The following SYN1 variants were observed in gnomAD, a reference collection of about 807,000 sequenced individuals.
SYN1 encodes synapsin I, also known as synapsin-1.
A neutral mutation model predicts 44.6 loss-of-function variants in SYN1; 8 were observed. That is an observed-to-expected ratio of 0.18 (90% CI 0.11 to 0.32). SYN1 has a LOEUF of 0.32. Ranked by LOEUF, SYN1 falls within the 10% of genes least tolerant of loss-of-function variation. SYN1 has a pLI of 1.00. For missense variants in SYN1, 451 were observed against 639.4 expected (o/e 0.71, Z 3.18); for synonymous variants, 275 against 280.1 (o/e 0.98, Z 0.18).
At chrX:47,610,054 C>T (rs1246078768) in intron 1 of SYN1, among the ~76,000 whole-genome samples, 1 of 111,902 alleles carries the variant, frequency 8.9e-6, no homozygotes, top group Non-Finnish European at 1.9e-5. Context: ...AAAGACCTGA[C>T]ATGCTCAGGG....
intron 1 of SYN1, among the ~76,000 whole-genome samples, chrX:47,616,638 C>T (rs1484329018): frequency 5.4e-5 from 6 of 111,801 alleles, no homozygotes; most frequent in Middle Eastern, 4.2e-3. Flanking sequence ...AATTACAGCA[C>T]GTGCTCCATA....
chrX:47,589,421 G>T (rs1401063025), intron 5 of SYN1, among the ~76,000 whole-genome samples: 1 of 106,841 alleles, frequency 9.4e-6, no homozygotes, highest in Non-Finnish European at 1.9e-5. Flanking sequence ...GTGAAACCCT[G>T]TCTCTACTAA....
intron 5 of SYN1, among the ~76,000 whole-genome samples, chrX:47,600,188 G>A (rs2057875568): frequency 9.1e-6 from 1 of 110,254 alleles, no homozygotes; most frequent in African/African-American, 3.3e-5. Flanking sequence ...ACTAGACAGG[G>A]AACCAAAAAG....
chrX:47,598,003 C>T (rs1164961011), intron 5 of SYN1, among the ~76,000 whole-genome samples: 1 of 112,470 alleles, frequency 8.9e-6, no homozygotes, highest in Non-Finnish European at 1.9e-5. Context: ...TAGTTCATCA[C>T]TAACAAACTT....
intron 1 of SYN1, among the ~76,000 whole-genome samples, chrX:47,607,825 A>G (rs771309377): frequency 9.0e-6 from 1 of 110,895 alleles, no homozygotes; most frequent in African/African-American, 3.3e-5. Flanking sequence ...TGAGGTCAAG[A>G]GTTCGAGACC....
chrX:47,593,266 T>C (rs1395948488), intron 5 of SYN1, among the ~76,000 whole-genome samples: 2 of 105,470 alleles, frequency 1.9e-5, no homozygotes, highest in African/African-American at 7.2e-5. Context: ...GTAAAAATGG[T>C]CTATGCTTTT....
At chrX:47,608,269 AGGAAGGAAGGAAGGAAGGAAGG>A (rs757514896) in intron 1 of SYN1, among the ~76,000 whole-genome samples, 10,080 of 23,701 alleles carry the variant, frequency 0.43, 824 homozygotes, top group South Asian at 0.64. Flanking sequence ...GAAGGAAGGA[AGGAAGGAAGGAAGGAAGGAAGG>A]GGAAGGAAGG....
intron 5 of SYN1, among the ~76,000 whole-genome samples, chrX:47,604,121 C>G (rs1323937593): frequency 1.8e-5 from 2 of 109,662 alleles, no homozygotes; most frequent in Non-Finnish European, 3.8e-5. Context: ...GTTGGTCAGG[C>G]TGGTCTCAAA....
chrX:47,583,312 C>T (rs1230561841), intron 5 of SYN1: 2 of 749,841 alleles, frequency 2.7e-6, no homozygotes, highest in Non-Finnish European at 1.9e-6. Flanking sequence ...CCTAATCCCC[C>T]CCATAGGCTG....
In SYN1 at chrX:47,576,502, A is replaced by G. The variant is rs781159179; in HGVS notation, c.976T>C (p.Tyr326His). Residue 326 changes from tyrosine (Y) to histidine (H), a missense_variant, in exon 7 of 13, where the codon TAC (tyrosine) becomes CAC (histidine). Coordinates refer to ENST00000295987, the MANE Select transcript of SYN1 (RefSeq NM_006950.3). ...VQKIGQNYKA[Y>H]MRTSVSGNWK... is the part of the protein sequence containing the mutation. ...GGCTTTGGTCTCTCCACTCACATGT[A>G]GGCCTTGTAGTTCTGCCCAATCTTC... 7 of 1,212,075 alleles carry G rather than the reference A, an allele frequency of 5.8e-6. No individual in the cohort carries two copies. The highest frequency in any genetic ancestry group is 7.8e-6 in the Non-Finnish European group (7 of 895,611).
chrX:47,615,705 G>T (rs1423851793), intron 1 of SYN1, among the ~76,000 whole-genome samples: 1 of 111,188 alleles, frequency 9.0e-6, no homozygotes. Context: ...AGAAGTTTGA[G>T]ACCAGCCTGA....
chrX:47,619,844 GC>G lies in SYN1; in HGVS notation c.-117del. ...TCAGGCACGACACGACTCCTCCGCT[GC>G]CCACCGCAGACTGAGGCAGCGCTGA... is the stretch of plus-strand genomic sequence containing the variant. On this transcript the variant is annotated 5_prime_UTR_variant, in exon 1 of 13. Coordinates refer to ENST00000295987, the MANE Select transcript of SYN1 (RefSeq NM_006950.3). 1.2e-6 allele frequency: 1 copy of G among 817,550 alleles called. No homozygotes were observed. The highest frequency in any genetic ancestry group is 1.7e-6 in the Non-Finnish European group (1 of 593,677). 67.4% of individuals were successfully genotyped at this position (817,550 alleles called of 1,213,427 possible).
chrX:47,600,945 A>G (rs2057877893), intron 5 of SYN1, among the ~76,000 whole-genome samples: 1 of 111,988 alleles, frequency 8.9e-6, no homozygotes, highest in Admixed American at 9.6e-5. Context: ...AAGATATCAA[A>G]ATCAGTAACC....
chrX:47,604,712 C>T (rs748950634), intron 5 of SYN1: 9 of 370,470 alleles, frequency 2.4e-5, no homozygotes, highest in East Asian at 2.4e-4. Context: ...TCTGTCAATT[C>T]ACATTAGAAA....
chrX:47,581,861 T>G (rs1463330089), intron 5 of SYN1, among the ~76,000 whole-genome samples: 1 of 111,719 alleles, frequency 9.0e-6, no homozygotes, highest in African/African-American at 3.3e-5. Flanking sequence ...GTATTGACTC[T>G]GTGATCCTGG....
At chrX:47,605,111 A>T in intron 4 of SYN1, 44 bp from the exon 5 acceptor site, 1 of 1,201,422 alleles carries the variant, frequency 8.3e-7, no homozygotes. Flanking sequence ...CTTCACCACG[A>T]ATCTGTAAGT....
At chrX:47,586,460 G>A in intron 5 of SYN1, 1 of 1,180,476 alleles carries the variant, frequency 8.5e-7, no homozygotes, top group Non-Finnish European at 1.1e-6. Flanking sequence ...AGGAGAGGAA[G>A]TTCTGCTCCA....
intron 5 of SYN1, among the ~76,000 whole-genome samples, chrX:47,591,055 G>A (rs779583833): frequency 1.8e-5 from 2 of 111,417 alleles, no homozygotes; most frequent in African/African-American, 3.3e-5. Flanking sequence ...ACCATGCTCA[G>A]CTAATTTTTT....
chrX:47,617,533 A>C (rs1176695591), intron 1 of SYN1, among the ~76,000 whole-genome samples: 1 of 110,890 alleles, frequency 9.0e-6, no homozygotes, highest in Non-Finnish European at 1.9e-5. Flanking sequence ...AAGTTGGTAG[A>C]GGGAATCCTA....
Sources: allele counts gnomAD v4.1 joint callset (sites outside exome capture counted in the v4.1 genomes callset), GRCh38; gene constraint gnomAD v4.1.1; transcripts MANE v1.5; gene names NCBI Gene and HGNC (gene_info 2026-07-23, HGNC 2026-07-21).